ARID5B: variants seen among roughly 807,000 people sequenced by gnomAD.
The protein encoded by ARID5B is AT-rich interaction domain 5B.
In ARID5B, 13 loss-of-function variants were observed where a neutral mutation model predicts 97.2. The observed-to-expected ratio is 0.13, with a 90% CI of 0.09 to 0.21. The LOEUF is 0.21. ARID5B is among the 10% of genes least tolerant of loss of function. ARID5B has a pLI of 1.00. For missense variants in ARID5B, 1,210 were observed against 1,465.3 expected, an observed-to-expected ratio of 0.83 and a Z score of 2.84; for synonymous variants, 556 against 570.3, an observed-to-expected ratio of 0.97 and a Z score of 0.36.
intron 2 of ARID5B, among the ~76,000 whole-genome samples, chr10:61,916,016 A>G (rs1198000359): frequency 6.6e-6 from 1 of 151,830 alleles, no homozygotes; most frequent in African/African-American, 2.4e-5. Context: ...TCAGCCTCCC[A>G]AAGTGCTAGG....
rs1839060950 is a variant in ARID5B at position 62,000,396 on chromosome 10, G to A, written c.733+75G>A. On this transcript the variant is annotated intron_variant, in intron 4 of 9. Coordinates refer to ENST00000279873, the MANE Select transcript of ARID5B (RefSeq NM_032199.3). This position sits in a 1 kb window ranked among gnomAD's most constrained non-coding sequence, Gnocchi z 4.4. ...GTTGTTTTCAGTTCTTCTGAAGAGC[G>A]GTGATGGGGAACGGGGCTCACTTTC... The A allele has an allele frequency of 6.6e-6, 9 of 1,356,654 alleles. No homozygotes were observed. The South Asian group carries it at 1.1e-4, about 16-fold the overall frequency. The allele number at this position is 1,356,654 out of a possible 1,614,324, so 84.0% of individuals were successfully genotyped here.
chr10:61,909,471 G>C (rs1251095493), intron 2 of ARID5B, among the ~76,000 whole-genome samples: 1 of 151,978 alleles, frequency 6.6e-6, no homozygotes, highest in Non-Finnish European at 1.5e-5. Flanking sequence ...GACTACAGGC[G>C]CCAGCCACCG....
intron 4 of ARID5B, among the ~76,000 whole-genome samples, chr10:62,042,774 G>T (rs1839655448): frequency 6.6e-6 from 1 of 152,092 alleles, no homozygotes; most frequent in Non-Finnish European, 1.5e-5. Flanking sequence ...AATTAGCTGG[G>T]CTTGGTGGCG....
At chr10:61,933,614 T>C (rs78463397) in intron 2 of ARID5B, among the ~76,000 whole-genome samples, 2,603 of 152,316 alleles carry the variant, frequency 0.017, 78 homozygotes, top group African/African-American at 0.059. Context: ...TCTTTGTACA[T>C]CTCCATCAGA....
At chr10:62,036,543 G>A (rs1489345500) in intron 4 of ARID5B, among the ~76,000 whole-genome samples, 1 of 152,212 alleles carries the variant, frequency 6.6e-6, no homozygotes, top group Admixed American at 6.5e-5. Flanking sequence ...AAGGACCTGC[G>A]CTTCATGCAC....
At chr10:61,907,409 TG>T (rs146622115) in intron 2 of ARID5B, among the ~76,000 whole-genome samples, 44,906 of 151,822 alleles carry the variant, frequency 0.3, 7,140 homozygotes, top group Non-Finnish European at 0.36. Context: ...ATGACCACAC[TG>T]GCCTTAGACA....
intron 2 of ARID5B, among the ~76,000 whole-genome samples, chr10:61,904,342 T>G (rs1217102233): frequency 6.6e-6 from 1 of 152,144 alleles, no homozygotes; most frequent in Non-Finnish European, 1.5e-5. Flanking sequence ...TTGGTACAGT[T>G]TTAATTTTTG....
At chr10:61,916,973 G>A (rs1843918036) in intron 2 of ARID5B, among the ~76,000 whole-genome samples, 2 of 152,154 alleles carry the variant, frequency 1.3e-5, no homozygotes, top group Admixed American at 1.3e-4. Context: ...GGGGAACTGG[G>A]GAGCGCACGA....
At chr10:61,995,076 G>A (rs1159127172) in intron 3 of ARID5B, among the ~76,000 whole-genome samples, 8 of 152,112 alleles carry the variant, frequency 5.3e-5, no homozygotes, top group African/African-American at 1.4e-4. Context: ...GTCAAGTAAC[G>A]TATATGTAAC....
intron 4 of ARID5B, among the ~76,000 whole-genome samples, chr10:62,033,343 A>T (rs149380624): frequency 8.4e-4 from 128 of 152,312 alleles, no homozygotes; most frequent in Non-Finnish European, 1.4e-3. Flanking sequence ...ACTTTGTGGT[A>T]ATTTCCTTTC....
At chr10:62,044,052 T>C in intron 4 of ARID5B, among the ~76,000 whole-genome samples, 1 of 151,724 alleles carries the variant, frequency 6.6e-6, no homozygotes. Flanking sequence ...TTTTTTTAAA[T>C]GTTCTTTCTA....
intron 4 of ARID5B, among the ~76,000 whole-genome samples, chr10:62,024,018 C>G (rs958122419): frequency 2.0e-5 from 3 of 152,174 alleles, no homozygotes; most frequent in African/African-American, 7.2e-5. Context: ...CACTTTCAAG[C>G]CTTGATTTCC....
chr10:62,084,816 T>C (rs907453100), intron 8 of ARID5B, among the ~76,000 whole-genome samples: 8 of 152,252 alleles, frequency 5.3e-5, no homozygotes, highest in African/African-American at 1.9e-4. Flanking sequence ...ATAATTTAAA[T>C]GCTTGAAATT....
intron 3 of ARID5B, among the ~76,000 whole-genome samples, chr10:61,979,691 G>A (rs1368738004): frequency 2.0e-5 from 3 of 152,178 alleles, no homozygotes; most frequent in African/African-American, 7.2e-5. Context: ...ACAAACAGTA[G>A]CCACAGCAAC....
intron 8 of ARID5B, among the ~76,000 whole-genome samples, chr10:62,080,267 C>T (rs188337607): frequency 4.2e-4 from 64 of 152,262 alleles, no homozygotes; most frequent in Admixed American, 2.8e-3. Context: ...TTTTTCTGCT[C>T]CACTCAAGTT....
At chr10:62,015,258 T>C (rs916254225) in intron 4 of ARID5B, among the ~76,000 whole-genome samples, 6 of 152,212 alleles carry the variant, frequency 3.9e-5, no homozygotes, top group African/African-American at 1.4e-4. Flanking sequence ...GTTCATTATC[T>C]CCTCGATTTT....
In ARID5B at chr10:62,000,101, G is replaced by C; in HGVS notation, c.513G>C (p.Glu171Asp). The C allele has an allele frequency of 6.2e-7, 1 of 1,613,890 alleles. No homozygotes were observed. Among genetic ancestry groups the C allele is most frequent in the South Asian group, 1.1e-5 (1 of 91,070 alleles). Residue 171 changes from glutamate (E) to aspartate (D), a missense_variant, in exon 4 of 10, where the codon GAG becomes GAC. Transcript: ENST00000279873. The surrounding 1 kb of genome is among the most constrained non-coding windows in gnomAD (Gnocchi z 4.4). ...LKEKADLGED[E>D]EETNVIVLSY... ...TTCTCGTTTGTCTAGGGGAGGACGAGGAAGAAACGAACGTGATAGTTCTCA... is the reference window on the plus strand; with the variant it reads ...TTCTCGTTTGTCTAGGGGAGGACGACGAAGAAACGAACGTGATAGTTCTCA...
At chr10:62,005,903 C>T (rs998163882) in intron 4 of ARID5B, among the ~76,000 whole-genome samples, 4 of 152,148 alleles carry the variant, frequency 2.6e-5, no homozygotes, top group South Asian at 2.1e-4. Flanking sequence ...CAGTGGATTT[C>T]GATGACCAAA....
At chr10:62,018,439 C>T (rs1409700873) in intron 4 of ARID5B, among the ~76,000 whole-genome samples, 2 of 152,156 alleles carry the variant, frequency 1.3e-5, no homozygotes, top group Non-Finnish European at 2.9e-5. Flanking sequence ...GGCTTAAAGA[C>T]TTTTAAATGA....
Sources: gnomAD v4.1 joint callset for allele counts (sites outside exome capture counted in the v4.1 genomes callset) on GRCh38, gnomAD v4.1.1 for gene constraint, Gnocchi (gnomAD v3.1) non-coding constraint, MANE v1.5 for transcripts, NCBI Gene and HGNC (gene_info 2026-07-23, HGNC 2026-07-21) for gene names.